ANKFY1: variants seen among roughly 807,000 people sequenced by gnomAD.
ANKFY1 encodes the protein ankyrin repeat and FYVE domain containing 1, also known as ankyrin repeat and FYVE domain-containing protein 1.
ANKFY1 carries 47 observed loss-of-function variants against 128.3 expected under a neutral mutation model. That is an observed-to-expected ratio of 0.37 (90% confidence interval 0.29 to 0.47). The LOEUF is 0.47. Among genes scored for constraint, ANKFY1 ranks in the 20% least tolerant of loss-of-function variants. The pLI is 1.00. For synonymous variants in ANKFY1, 553 were observed against 601.6 expected, an observed-to-expected ratio of 0.92 and a Z score of 1.18; for missense variants, 1,222 against 1,510.6, an observed-to-expected ratio of 0.81 and a Z score of 3.17.
rs78417955 is a variant in ANKFY1 at position 4,184,576 on chromosome 17, G to C, written c.1699+242C>G. 0.026 allele frequency among the ~76,000 whole-genome samples: 3,925 copies of C among 152,306 alleles called. 167 individuals are homozygous for C. The highest frequency in any genetic ancestry group is 0.09 in the African/African-American group (3,725 of 41,534). Reference sequence around the variant, plus strand: ...CCTAGAGAAATAGTCAAATAAGACAGACATTACTACCAGCTTAACCTAACA... The same window carrying C: ...CCTAGAGAAATAGTCAAATAAGACACACATTACTACCAGCTTAACCTAACA... On this transcript the variant is annotated intron_variant, in intron 12 of 24. Transcript: ENST00000341657.
chr17:4,209,094 T>C (rs2060078799), intron 5 of ANKFY1, among the ~76,000 whole-genome samples: 1 of 151,852 alleles, frequency 6.6e-6, no homozygotes, highest in Non-Finnish European at 1.5e-5. Context: ...TTCTTTATGA[T>C]GAAACAACCT....
At chr17:4,216,113 A>T (rs1314010494) in intron 4 of ANKFY1, among the ~76,000 whole-genome samples, 2 of 152,224 alleles carry the variant, frequency 1.3e-5, no homozygotes, top group Non-Finnish European at 2.9e-5. Context: ...CACTGATTTC[A>T]TGTGGGGCAC....
At chr17:4,259,990 TAGC>T (rs1968321630) in intron 1 of ANKFY1, among the ~76,000 whole-genome samples, 1 of 152,066 alleles carries the variant, frequency 6.6e-6, no homozygotes, top group South Asian at 2.1e-4. Flanking sequence ...GACGCAGAGG[TAGC>T]AGCATGTCGG....
chr17:4,176,953 C>T (rs551497593), intron 19 of ANKFY1, among the ~76,000 whole-genome samples, 173 bp downstream of exon 19: 33 of 152,332 alleles, frequency 2.2e-4, no homozygotes, highest in African/African-American at 5.0e-4. Flanking sequence ...CCCAGTGGGG[C>T]GCTCAGGACG....
At chr17:4,256,979 G>C (rs954214444) in intron 1 of ANKFY1, among the ~76,000 whole-genome samples, 1 of 152,114 alleles carries the variant, frequency 6.6e-6, no homozygotes, top group African/African-American at 2.4e-5. Context: ...CCAAACTCCT[G>C]ACTGGAAACA....
rs773041555 is a variant in ANKFY1, at chr17:4,231,935, TA to T, written c.322+3836del. Among the ~76,000 whole-genome samples, 1,198 of 125,086 alleles carry T rather than the reference TA, an allele frequency of 9.6e-3. 3 individuals are homozygous for T. Among genetic ancestry groups the T allele is most frequent in the African/African-American group, 0.019 (637 of 33,826 alleles). 82.1% of individuals were successfully genotyped at this position (125,086 alleles called of 152,430 possible). ...CTGGGTGACAGAGTGAAATCCTGTT[TA>T]AAAAAAAAAAAAAAAGAAAGAAAGA... On this transcript the variant is annotated intron_variant, in intron 3 of 24. Coordinates refer to ENST00000341657, the MANE Select transcript of ANKFY1 (RefSeq NM_001330063.2).
rs954537910 is a variant in ANKFY1 at position 4,178,481 on chromosome 17, C to A, written c.2598+376G>T. Reference sequence around the variant, plus strand: ...CCGAGGCTACTGAGCAACTGAACTCCTCGGAAACACTCAGGAAGTTGCCCC... The same window carrying A: ...CCGAGGCTACTGAGCAACTGAACTCATCGGAAACACTCAGGAAGTTGCCCC... On this transcript the variant is annotated intron_variant, in intron 18 of 24. Coordinates refer to ENST00000341657, the MANE Select transcript of ANKFY1 (RefSeq NM_001330063.2). This position sits in a 1 kb window ranked among gnomAD's most constrained non-coding sequence, Gnocchi z 4.1. The A allele has an allele frequency of 4.0e-6, 1 of 251,482 alleles. No homozygotes were observed. The allele number at this position is 251,482 out of a possible 1,614,324, so 15.6% of individuals were successfully genotyped here.
intron 10 of ANKFY1, chr17:4,194,748 TTAAA>T (rs779063800): frequency 1.9e-5 from 10 of 537,758 alleles, no homozygotes; most frequent in Non-Finnish European, 3.0e-5. Context: ...AGTCGCCGCA[TTAAA>T]TAAATGGAAG....
chr17:4,225,165 G>T (rs9900733), intron 3 of ANKFY1, among the ~76,000 whole-genome samples: 5,976 of 152,058 alleles, frequency 0.039, 399 homozygotes, highest in African/African-American at 0.14. Context: ...AAACCAGCCT[G>T]GCCAATTATG....
intron 3 of ANKFY1, among the ~76,000 whole-genome samples, chr17:4,234,002 A>T (rs373744324): frequency 6.6e-6 from 1 of 152,226 alleles, no homozygotes; most frequent in South Asian, 2.1e-4. Context: ...ATAATATTGT[A>T]CTTTTACTGA....
At chr17:4,224,993 C>T (rs1167433243) in intron 3 of ANKFY1, among the ~76,000 whole-genome samples, 3 of 145,656 alleles carry the variant, frequency 2.1e-5, no homozygotes, top group Non-Finnish European at 3.0e-5. Context: ...ATCTTCAAGG[C>T]TGGCTTAAGT....
chr17:4,255,817 C>CTTT (rs111967049), intron 1 of ANKFY1, among the ~76,000 whole-genome samples: 11 of 144,836 alleles, frequency 7.6e-5, no homozygotes, highest in African/African-American at 2.3e-4. Flanking sequence ...TACTACTTTT[C>CTTT]TTTTTTTTTT....
At position 4,182,230 on chromosome 17, in the gene ANKFY1, G is replaced by C; in HGVS notation, c.2072C>G (p.Pro691Arg). The change falls in exon 15 of 25, where the codon CCG becomes CGG. Residue 691 changes from proline to arginine, a missense_variant. Coordinates refer to ENST00000341657, the MANE Select transcript of ANKFY1 (RefSeq NM_001330063.2). The part of the protein sequence containing the change: ...MSVPDEKGNP[P>R]LWLALANNLE... Reference sequence around the variant, plus strand: ...ATTGTTTGCCAATGCAAGCCACAGCGGGGGGTTCCCCTTCTCATCTGGCAC... The same window carrying C: ...ATTGTTTGCCAATGCAAGCCACAGCCGGGGGTTCCCCTTCTCATCTGGCAC... 3.2e-6 allele frequency: 5 copies of C among 1,580,944 alleles called. No individual in the cohort carries two copies. Among genetic ancestry groups the C allele is most frequent in the African/African-American group, 1.3e-5 (1 of 74,566 alleles).
intron 1 of ANKFY1, among the ~76,000 whole-genome samples, chr17:4,251,007 G>T (rs919410467): frequency 6.6e-6 from 1 of 152,104 alleles, no homozygotes; most frequent in East Asian, 1.9e-4. Context: ...GAAAGAAAAA[G>T]GTTTAGCATT....
At position 4,164,212 on chromosome 17, in the gene ANKFY1, G is replaced by A. The variant is rs755234838; in HGVS notation, c.*3567C>T. On this transcript the variant is annotated 3_prime_UTR_variant, in exon 25 of 25. Transcript: ENST00000341657. ...GCAAGTCATCAAGGCGAGCAGTCTC[G>A]ACTCAAGACTCCCTAGCTGCAGAAA... 2 of 152,452 alleles carry A rather than the reference G, an allele frequency of 1.3e-5. No homozygotes were observed. The highest frequency in any genetic ancestry group is 2.4e-5 in the African/African-American group (1 of 41,446). The allele number at this position is 152,452 out of a possible 1,614,324, so 9.4% of individuals were successfully genotyped here. A position where few individuals can be genotyped will look rare whatever the true frequency, so the allele number is the denominator to read the frequency against.
At chr17:4,185,879 G>A (rs2059602424) in intron 11 of ANKFY1, among the ~76,000 whole-genome samples, 1 of 152,200 alleles carries the variant, frequency 6.6e-6, no homozygotes, top group African/African-American at 2.4e-5. Flanking sequence ...GCAATCGGCA[G>A]CCTTAACGCT....
chr17:4,228,665 A>G (rs1277456371), intron 3 of ANKFY1, among the ~76,000 whole-genome samples: 1 of 152,088 alleles, frequency 6.6e-6, no homozygotes, highest in East Asian at 1.9e-4. Context: ...GATCCACCCA[A>G]CTTGGCCTCC....
At chr17:4,219,268 G>A (rs1315269729) in intron 3 of ANKFY1, among the ~76,000 whole-genome samples, 16 of 152,180 alleles carry the variant, frequency 1.1e-4, no homozygotes, top group Admixed American at 1.0e-3. Flanking sequence ...GTCAGAATAA[G>A]AAGAGTGATG....
intron 1 of ANKFY1, among the ~76,000 whole-genome samples, chr17:4,249,553 A>G (rs1260614307): frequency 6.6e-6 from 1 of 152,190 alleles, no homozygotes; most frequent in Non-Finnish European, 1.5e-5. Flanking sequence ...TGGTGATTTT[A>G]AAGAATTAGA....
Sources: allele counts gnomAD v4.1 joint callset (sites outside exome capture counted in the v4.1 genomes callset), GRCh38; gene constraint gnomAD v4.1.1; non-coding constraint Gnocchi (gnomAD v3.1); transcripts MANE v1.5; gene names NCBI Gene and HGNC (gene_info 2026-07-23, HGNC 2026-07-21).